Variants in PTGER3 observed in about 807,000 individuals in gnomAD.
The protein encoded by PTGER3 is prostaglandin E receptor 3.
A neutral mutation model predicts 34.7 loss-of-function variants in PTGER3; 22 were observed. The ratio of observed to expected loss-of-function variants is 0.63; its 90% CI spans 0.45 to 0.91. PTGER3 has a LOEUF of 0.91. PTGER3 is among the 40% of genes least tolerant of loss of function. The pLI is 0.00. For missense variants in PTGER3, 468 were observed against 519.4 expected (o/e 0.90, Z 0.96); for synonymous variants, 241 against 230.1 (o/e 1.05, Z -0.43).
At chr1:70,992,948 T>C (rs1466883292) in intron 2 of PTGER3, among the ~76,000 whole-genome samples, 1 of 152,154 alleles carries the variant, frequency 6.6e-6, no homozygotes, top group South Asian at 2.1e-4. Flanking sequence ...AACATTGCCC[T>C]GGGTAGAACT....
chr1:70,911,384 C>CA (rs1286826075), intron 4 of PTGER3, among the ~76,000 whole-genome samples: 3 of 152,122 alleles, frequency 2.0e-5, no homozygotes, highest in African/African-American at 7.2e-5. Flanking sequence ...TTGATAAGAT[C>CA]AAATATTCTT....
At chr1:71,015,280 A>G (rs1475534801) in intron 1 of PTGER3, among the ~76,000 whole-genome samples, 1 of 152,152 alleles carries the variant, frequency 6.6e-6, no homozygotes, top group Non-Finnish European at 1.5e-5. Flanking sequence ...AGGCATCCAC[A>G]TGTCCCTCAA....
At chr1:71,011,952 T>C in intron 2 of PTGER3, 3 of 1,270,804 alleles carry the variant, frequency 2.4e-6, no homozygotes, top group Non-Finnish European at 3.0e-6. Flanking sequence ...AAAAATGTTT[T>C]CATCACATAA....
In PTGER3 at chr1:70,980,005, C is replaced by A. The variant is rs575375251; in HGVS notation, c.1078-5617G>T. On this transcript the variant is annotated intron_variant, in intron 2 of 3. Coordinates refer to ENST00000306666, the MANE Select transcript of PTGER3 (RefSeq NM_198719.2). ...TCACAATAGCACAGATTGTAGAAGCCTTAAGAATTCACAGAAAGGGGAAAT... is the reference window on the plus strand; with the variant it reads ...TCACAATAGCACAGATTGTAGAAGCATTAAGAATTCACAGAAAGGGGAAAT... Among the ~76,000 whole-genome samples, 3 of 150,624 alleles carry A rather than the reference C, an allele frequency of 2.0e-5. No individual in the cohort carries two copies. The East Asian group carries it at 5.9e-4, about 30-fold the overall frequency.
downstream of PTGER3, chr1:70,951,373 G>C (rs1334892577): frequency 6.6e-6 from 1 of 152,154 alleles, no homozygotes; most frequent in Non-Finnish European, 1.5e-5. Context: ...GTGTAGGAAA[G>C]GTCATGTAAG....
At chr1:70,858,936 T>C (rs1645868793) in intron 4 of PTGER3, among the ~76,000 whole-genome samples, 1 of 152,270 alleles carries the variant, frequency 6.6e-6, no homozygotes, top group African/African-American at 2.4e-5. Flanking sequence ...ATTAGTTTTT[T>C]AATATTTGAA....
At chr1:70,983,105 C>A (rs1654549233) in intron 2 of PTGER3, among the ~76,000 whole-genome samples, 1 of 151,868 alleles carries the variant, frequency 6.6e-6, no homozygotes, top group South Asian at 2.1e-4. Context: ...GGACAGCCAC[C>A]TAGAGAAACA....
chr1:71,006,890 C>CA (rs1657014819), intron 2 of PTGER3: 1 of 985,216 alleles, frequency 1.0e-6, no homozygotes, highest in Non-Finnish European at 1.2e-6. Flanking sequence ...TTTCCATTGA[C>CA]AAACACGACA....
intron 2 of PTGER3, among the ~76,000 whole-genome samples, chr1:70,960,002 G>A (rs1651762458): frequency 6.6e-6 from 1 of 152,074 alleles, no homozygotes; most frequent in Admixed American, 6.5e-5. Context: ...TTAAAAAGTG[G>A]GAACACACAC....
chr1:70,883,601 T>C (rs1405530941), intron 4 of PTGER3, among the ~76,000 whole-genome samples: 1 of 152,198 alleles, frequency 6.6e-6, no homozygotes, highest in African/African-American at 2.4e-5. Flanking sequence ...TACTCACCCA[T>C]TTTAGCTTGG....
intron 2 of PTGER3, among the ~76,000 whole-genome samples, chr1:70,986,977 A>C (rs1226357988): frequency 6.6e-6 from 1 of 152,216 alleles, no homozygotes; most frequent in Non-Finnish European, 1.5e-5. Context: ...GAAAAATTTT[A>C]AGCAGATATC....
downstream of PTGER3, among the ~76,000 whole-genome samples, chr1:70,950,054 T>C (rs35438617): frequency 1.5e-4 from 23 of 152,008 alleles, no homozygotes; most frequent in East Asian, 4.4e-3. Context: ...AGTTAAGGAG[T>C]GAAGGAAGAC....
chr1:70,899,878 C>G (rs758787573), intron 4 of PTGER3, among the ~76,000 whole-genome samples: 2 of 152,072 alleles, frequency 1.3e-5, no homozygotes, highest in Non-Finnish European at 2.9e-5. Context: ...TGTAATTGTA[C>G]TATATCCTTC....
chr1:70,971,862 T>C, intron 3 of PTGER3, 129 bp from the exon 4 acceptor site: 1 of 584,984 alleles, frequency 1.7e-6, no homozygotes, highest in Non-Finnish European at 2.9e-6. Flanking sequence ...AAACATTCTC[T>C]TTTGAAGTAA....
At chr1:70,973,259 ATAGATAG>A (rs1173155900) in intron 3 of PTGER3, among the ~76,000 whole-genome samples, 1 of 151,632 alleles carries the variant, frequency 6.6e-6, no homozygotes, top group African/African-American at 2.4e-5. Context: ...AGATAGATAG[ATAGATAG>A]ATGATAGATA....
At chr1:70,984,981 C>T (rs1654775383) in intron 2 of PTGER3, among the ~76,000 whole-genome samples, 1 of 152,140 alleles carries the variant, frequency 6.6e-6, no homozygotes, top group Non-Finnish European at 1.5e-5. Context: ...TCCCCACTCT[C>T]ATGGAAACCC....
chr1:70,852,685 C>A, exon 5 of PTGER3: 1 of 886,900 alleles, frequency 1.1e-6, no homozygotes, highest in East Asian at 2.4e-5. Context: ...CAGGACATAA[C>A]AGCTTCTGGA....
At chr1:70,929,554 G>T (rs1458800720) in intron 4 of PTGER3, among the ~76,000 whole-genome samples, 1 of 152,096 alleles carries the variant, frequency 6.6e-6, no homozygotes, top group Non-Finnish European at 1.5e-5. Context: ...AAATAACATT[G>T]CTTTTACCCT....
chr1:71,009,299 C>T (rs1055105773), intron 2 of PTGER3: 6 of 983,808 alleles, frequency 6.1e-6, no homozygotes, highest in Non-Finnish European at 7.2e-6. Context: ...GCAACATGGT[C>T]GGATATTTCA....
Sources: gnomAD v4.1 joint callset for allele counts (sites outside exome capture counted in the v4.1 genomes callset) on GRCh38, gnomAD v4.1.1 for gene constraint, MANE v1.5 for transcripts, NCBI Gene and HGNC (gene_info 2026-07-23, HGNC 2026-07-21) for gene names.